Variants in LRP1B observed in about 807,000 individuals in gnomAD.
The protein encoded by LRP1B is LDL receptor related protein 1B, also known as low-density lipoprotein receptor-related protein 1B.
A neutral mutation model predicts 556.6 loss-of-function variants in LRP1B; 217 were observed. The observed-to-expected ratio is 0.39, with a 90% CI of 0.35 to 0.44. LRP1B has a LOEUF of 0.44. Among genes scored for constraint, LRP1B ranks in the 20% least tolerant of loss-of-function variants. The pLI is 1.00. For missense variants in LRP1B, 5,053 were observed against 5,620.8 expected, an observed-to-expected ratio of 0.90 and a Z score of 3.23; for synonymous variants, 2,047 against 1,865.8, an observed-to-expected ratio of 1.10 and a Z score of -2.50.
chr2:141,285,590 G>C (rs1309615164), intron 3 of LRP1B, among the ~76,000 whole-genome samples: 2 of 147,654 alleles, frequency 1.4e-5, no homozygotes, highest in African/African-American at 4.9e-5. Flanking sequence ...CACGTAGCTG[G>C]AATTACAGGT....
chr2:141,281,135 C>T (rs777772348), intron 3 of LRP1B, among the ~76,000 whole-genome samples: 16 of 151,688 alleles, frequency 1.1e-4, no homozygotes, highest in Non-Finnish European at 1.6e-4. Context: ...TTTAATTTAC[C>T]CTAAGCCTTA....
chr2:141,199,643 TTTTATAA>T, intron 6 of LRP1B, among the ~76,000 whole-genome samples: 1 of 152,182 alleles, frequency 6.6e-6, no homozygotes, highest in East Asian at 1.9e-4. Flanking sequence ...ACTTATTGAT[TTTTATAA>T]TTTATGTCTT....
intron 35 of LRP1B, among the ~76,000 whole-genome samples, chr2:140,719,479 T>C (rs1190855252): frequency 6.6e-6 from 1 of 152,114 alleles, no homozygotes; most frequent in Non-Finnish European, 1.5e-5. Context: ...TGCAAAATTT[T>C]AGTCAATATA....
intron 1 of LRP1B, among the ~76,000 whole-genome samples, chr2:142,015,964 C>T (rs1256184384): frequency 8.8e-5 from 10 of 113,598 alleles, no homozygotes; most frequent in Non-Finnish European, 1.7e-5. Flanking sequence ...TGCACTCCAG[C>T]CTGGGCAACA....
At chr2:141,601,773 T>C (rs1687753670) in intron 2 of LRP1B, among the ~76,000 whole-genome samples, 1 of 151,958 alleles carries the variant, frequency 6.6e-6, no homozygotes, top group South Asian at 2.1e-4. Context: ...CCTCTAACTT[T>C]TGTATTTTTA....
rs542056723 is a variant in LRP1B, at chr2:141,411,186, C to T, written c.343+69210G>A. ...GGAATCATATTTAATCCTCATAGTT[C>T]AAATAAGGAATGATAGGTTAGGTCT... On this transcript the variant is annotated intron_variant, in intron 3 of 90. Transcript: ENST00000389484. Among the ~76,000 whole-genome samples the T allele has an allele frequency of 2.6e-5, 4 of 151,996 alleles. No homozygotes were observed. In the South Asian group the frequency reaches 8.3e-4, roughly 32 times the overall value.
chr2:140,955,522 C>T (rs1335760229), intron 18 of LRP1B, among the ~76,000 whole-genome samples: 1 of 151,656 alleles, frequency 6.6e-6, no homozygotes, highest in Non-Finnish European at 1.5e-5. Flanking sequence ...GCTTACATGT[C>T]ATCAAGTTAC....
intron 57 of LRP1B, among the ~76,000 whole-genome samples, chr2:140,491,206 A>G (rs1056421712): frequency 1.3e-5 from 2 of 152,292 alleles, no homozygotes; most frequent in Middle Eastern, 3.4e-3. Flanking sequence ...CTGAAGCTCT[A>G]TTATAGCTCT....
At chr2:141,914,957 G>A (rs772527834) in intron 1 of LRP1B, among the ~76,000 whole-genome samples, 8 of 152,072 alleles carry the variant, frequency 5.3e-5, no homozygotes, top group Non-Finnish European at 1.2e-4. Context: ...TATTATTTCT[G>A]TCAAACTACC....
chr2:141,042,818 A>G (rs916582284), intron 11 of LRP1B, among the ~76,000 whole-genome samples: 3 of 152,034 alleles, frequency 2.0e-5, no homozygotes, highest in Non-Finnish European at 4.4e-5. Flanking sequence ...AATTAAAAGG[A>G]TACATCTAGA....
chr2:141,476,317 C>T (rs1682703260), intron 3 of LRP1B, among the ~76,000 whole-genome samples: 1 of 152,148 alleles, frequency 6.6e-6, no homozygotes, highest in African/African-American at 2.4e-5. Context: ...TTCTATTTGT[C>T]AAAGTTTTTC....
chr2:140,945,881 A>G (rs1174138295), intron 20 of LRP1B, among the ~76,000 whole-genome samples: 1 of 152,136 alleles, frequency 6.6e-6, no homozygotes, highest in East Asian at 1.9e-4. Flanking sequence ...ACTAAAGACC[A>G]TTTGTCAAGC....
At chr2:140,307,260 A>G (rs1684107018) in intron 83 of LRP1B, among the ~76,000 whole-genome samples, 1 of 152,108 alleles carries the variant, frequency 6.6e-6, no homozygotes, top group Middle Eastern at 3.4e-3. Flanking sequence ...GTAAACAGCA[A>G]TAGCAAAACC....
At chr2:142,118,138 ATTT>A (rs1056905559) in intron 1 of LRP1B, among the ~76,000 whole-genome samples, 1 of 151,058 alleles carries the variant, frequency 6.6e-6, no homozygotes, top group Non-Finnish European at 1.5e-5. Context: ...CCTTTATATG[ATTT>A]TTTTTTCTTT....
chr2:141,479,282 G>A (rs1349729282), intron 3 of LRP1B, among the ~76,000 whole-genome samples: 1 of 151,996 alleles, frequency 6.6e-6, no homozygotes, highest in Non-Finnish European at 1.5e-5. Context: ...GACCTGTCAG[G>A]CCCCCAGACA....
intron 18 of LRP1B, among the ~76,000 whole-genome samples, chr2:140,973,425 G>A (rs900922608): frequency 6.6e-6 from 1 of 152,002 alleles, no homozygotes; most frequent in African/African-American, 2.4e-5. Flanking sequence ...TAGGAGGATG[G>A]GGGGGTAGAG....
At chr2:141,277,820 A>T (rs906393041) in intron 3 of LRP1B, among the ~76,000 whole-genome samples, 1 of 152,100 alleles carries the variant, frequency 6.6e-6, no homozygotes, top group African/African-American at 2.4e-5. Context: ...AAGATAATTT[A>T]AAAAGAGAGT....
At chr2:141,998,107 G>A (rs1177020938) in intron 1 of LRP1B, among the ~76,000 whole-genome samples, 1 of 152,154 alleles carries the variant, frequency 6.6e-6, no homozygotes, top group East Asian at 1.9e-4. Context: ...TTAGTCTCAT[G>A]ACATCTATCT....
At chr2:141,463,562 A>ATTATATATAATTATG (rs1553518098) in intron 3 of LRP1B, among the ~76,000 whole-genome samples, 1 of 23,940 alleles carries the variant, frequency 4.2e-5, no homozygotes, top group African/African-American at 9.2e-5. Flanking sequence ...TATATAATAT[A>ATTATATATAATTATG]TATTATATAT....
Sources: allele counts gnomAD v4.1 joint callset (sites outside exome capture counted in the v4.1 genomes callset), GRCh38; gene constraint gnomAD v4.1.1; transcripts MANE v1.5; gene names NCBI Gene and HGNC (gene_info 2026-07-23, HGNC 2026-07-21).